RAE1: variants seen among roughly 807,000 people sequenced by gnomAD.
The protein encoded by RAE1 is mRNA export factor RAE1.
A neutral mutation model predicts 52.7 loss-of-function variants in RAE1; 13 were observed. The ratio of observed to expected loss-of-function variants is 0.25; its 90% CI spans 0.16 to 0.39. The LOEUF (loss-of-function observed/expected upper bound fraction) is 0.39. RAE1 is among the 10% of genes least tolerant of loss of function. RAE1 has a pLI of 1.00. For missense variants in RAE1, 262 were observed against 459.8 expected (o/e 0.57, Z 3.93); for synonymous variants, 164 against 153.1 (o/e 1.07, Z -0.52).
At chr20:57,366,124 TC>T (rs1218725878) in intron 5 of RAE1, among the ~76,000 whole-genome samples, 1 of 152,144 alleles carries the variant, frequency 6.6e-6, no homozygotes, top group African/African-American at 2.4e-5. Flanking sequence ...TGTGGTGGAA[TC>T]CCCTGCTTGT....
intron 4 of RAE1, chr20:57,358,954 G>A (rs751248475): frequency 2.3e-5 from 33 of 1,446,044 alleles, no homozygotes; most frequent in East Asian, 5.4e-5. Context: ...AGGTTTTCTC[G>A]TCTTATTTGT....
rs982388122 is a variant in RAE1 at position 57,351,603 on chromosome 20, A to G, written c.-8+181A>G. The G allele has an allele frequency of 1.0e-5, 10 of 985,454 alleles. No homozygotes were observed. The African/African-American group carries it at 1.4e-4, about 14-fold the overall frequency. 61.0% of individuals were successfully genotyped at this position (985,454 alleles called of 1,614,324 possible). ...CTGGAAATGGCCTTAGGGGTCACCTAGGGCCTAATCCATCGTTTCTCTTGT... is the reference window on the plus strand; with the variant it reads ...CTGGAAATGGCCTTAGGGGTCACCTGGGGCCTAATCCATCGTTTCTCTTGT... On this transcript the variant is annotated intron_variant, in intron 1 of 11. Coordinates refer to ENST00000395841, the MANE Select transcript of RAE1 (RefSeq NM_003610.4).
Position 57,373,649 on chromosome 20 carries a change from C to G in RAE1, c.750-14C>G, listed in dbSNP as rs963459917. 2.5e-6 allele frequency: 4 copies of G among 1,613,796 alleles called. No homozygotes were observed. The African/African-American group carries it at 5.3e-5, about 22-fold the overall frequency. ...TTTAACAAAGGAAGACTTACATGAA[C>G]CTTTGTCTTTCAGCGCCAAAGATAA... On this transcript the variant is annotated splice_polypyrimidine_tract_variant and intron_variant, in intron 9 of 11. Coordinates refer to ENST00000395841, the MANE Select transcript of RAE1 (RefSeq NM_003610.4).
intron 11 of RAE1, among the ~76,000 whole-genome samples, chr20:57,375,598 C>T (rs2067102437): frequency 6.6e-6 from 1 of 152,194 alleles, no homozygotes; most frequent in Non-Finnish European, 1.5e-5. Context: ...CTCCTCCCCT[C>T]TGTCTAAGCA....
At chr20:57,360,609 A>G (rs1299453096) in intron 4 of RAE1, among the ~76,000 whole-genome samples, 2 of 152,196 alleles carry the variant, frequency 1.3e-5, no homozygotes, top group South Asian at 2.1e-4. Flanking sequence ...TGTCTTAGCT[A>G]CTGTGTCTTC....
Position 57,365,436 on chromosome 20 carries a change from C to G in RAE1, c.369C>G (p.Ile123Met), listed in dbSNP as rs772373086. ...WDLSSNQAIQIAQHDAPVKTI... is the reference protein window; with the variant it reads ...WDLSSNQAIQMAQHDAPVKTI... ...TCAGCAGTAACCAAGCGATACAGAT[C>G]GCACAGGTAACAGAAGCCTCTGCAG... The change falls in exon 5 of 12, where the codon ATC becomes ATG. Residue 123 changes from isoleucine (I) to methionine (M), a missense_variant. Coordinates refer to ENST00000395841, the MANE Select transcript of RAE1 (RefSeq NM_003610.4). 5.0e-6 allele frequency: 8 copies of G among 1,601,604 alleles called. No homozygotes were observed. The highest frequency in any genetic ancestry group is 6.8e-6 in the Non-Finnish European group (8 of 1,172,212).
rs2066704051 is a variant in RAE1, at chr20:57,351,262, CGGTAGTCA to C, written c.-165_-158del. The C allele has an allele frequency of 8.1e-6, 8 of 985,302 alleles. No individual in the cohort carries two copies. Among genetic ancestry groups the C allele is most frequent in the Non-Finnish European group, 9.6e-6 (8 of 829,938 alleles). The allele number at this position is 985,302 out of a possible 1,614,324, so 61.0% of individuals were successfully genotyped here. On this transcript the variant is annotated 5_prime_UTR_variant, in exon 1 of 12. Coordinates refer to ENST00000395841, the MANE Select transcript of RAE1 (RefSeq NM_003610.4). The stretch of plus-strand genomic sequence containing the variant: ...CCAGGGCGCACGCGCGTTGTTTCCG[CGGTAGTCA>C]GGGCAGTTTCTACCGCAGGCTTAAG...
At chr20:57,368,960 T>G in intron 8 of RAE1, 148 bp downstream of exon 8, 1 of 653,462 alleles carries the variant, frequency 1.5e-6, no homozygotes, top group African/African-American at 1.8e-5. Context: ...AAATACTTAG[T>G]GAGTGAATAT....
Position 57,374,698 on chromosome 20 carries a change from C to T in RAE1, c.917C>T (p.Thr306Ile), listed in dbSNP as rs1319628086. 1.9e-6 allele frequency: 3 copies of T among 1,614,206 alleles called. No homozygotes were observed. The African/African-American group carries it at 4.0e-5, about 22-fold the overall frequency. The change falls in exon 11 of 12, where the codon ACA becomes ATA. Residue 306 changes from threonine to isoleucine, a missense_variant. Physicochemically the swap from Thr to Ile is moderately conservative, Grantham distance 89. Transcript: ENST00000395841. ...AGCTTCTGGGACAAAGATGCCAGAA[C>T]AAAACTAAAAACTTCGGAACAGTTA... is the stretch of plus-strand genomic sequence containing the variant. ...RFSFWDKDARTKLKTSEQLDQ... is the reference protein window; with the variant it reads ...RFSFWDKDARIKLKTSEQLDQ...
rs73914831 is a variant in RAE1, at chr20:57,351,826, C to A, written c.-8+404C>A. 3.9e-3 allele frequency: 3,852 copies of A among 985,424 alleles called. 107 individuals carry two copies. The African/African-American group carries it at 0.063, about 16-fold the overall frequency. 61.0% of individuals were successfully genotyped at this position (985,424 alleles called of 1,614,324 possible). On this transcript the variant is annotated intron_variant, in intron 1 of 11. Transcript: ENST00000395841. The stretch of plus-strand genomic sequence containing the variant: ...TGCTCCATTTCTTTCGTAGCAGTTA[C>A]CAGTCTCTGAAACTAAGTCTGTTTC...
chr20:57,361,455 G>A (rs1394054161), intron 4 of RAE1, among the ~76,000 whole-genome samples: 1 of 152,266 alleles, frequency 6.6e-6, no homozygotes, highest in Admixed American at 6.5e-5. Context: ...TTTGGGGTTT[G>A]GCAAAGGTAT....
intron 1 of RAE1, 48 bp from the exon 2 acceptor site, chr20:57,353,984 G>A: frequency 6.7e-7 from 1 of 1,490,670 alleles, no homozygotes; most frequent in South Asian, 1.2e-5. Context: ...TTGCCTCTCA[G>A]TGATATTAAG....
At chr20:57,354,353 C>T (rs951973740) in intron 2 of RAE1, among the ~76,000 whole-genome samples, 6 of 152,204 alleles carry the variant, frequency 3.9e-5, no homozygotes, top group Non-Finnish European at 7.4e-5. Flanking sequence ...GTGCAGATTC[C>T]GGTGCAGATT....
chr20:57,356,432 T>C lies in RAE1; in HGVS notation c.196-14T>C. 1 of 1,602,160 alleles carries C rather than the reference T, an allele frequency of 6.2e-7. No homozygotes were observed. Among genetic ancestry groups the C allele is most frequent in the Non-Finnish European group, 8.5e-7 (1 of 1,171,324 alleles). ...TAATTGCTTTGTTTGCATTGAATTT[T>C]TTTGTTACTACAGGTTCGCTGCTGG... is the stretch of plus-strand genomic sequence containing the variant. On this transcript the variant is annotated splice_polypyrimidine_tract_variant and intron_variant, in intron 3 of 11. Coordinates refer to ENST00000395841, the MANE Select transcript of RAE1 (RefSeq NM_003610.4).
chr20:57,369,334 AGGT>A (rs1204937320), intron 8 of RAE1, among the ~76,000 whole-genome samples: 1 of 152,116 alleles, frequency 6.6e-6, no homozygotes, highest in African/African-American at 2.4e-5. Flanking sequence ...TGTGTAGCAA[AGGT>A]GGTCTTGTTA....
rs2066965304 is a variant in RAE1, at chr20:57,367,085, G to A, written c.534+6G>A. ...GGTGTTACTGTGCTGACGTGGTAAG[G>A]GATTTCAACTTAATATGTATTTACT... On this transcript the variant is annotated splice_donor_region_variant and intron_variant, in intron 7 of 11. Transcript: ENST00000395841. 1.3e-6 allele frequency: 2 copies of A among 1,557,440 alleles called. No individual in the cohort carries two copies. The highest frequency in any genetic ancestry group is 2.8e-5 in the African/African-American group (2 of 72,412).
chr20:57,363,576 G>A (rs1041013985), intron 4 of RAE1, among the ~76,000 whole-genome samples: 3 of 152,102 alleles, frequency 2.0e-5, no homozygotes, highest in Non-Finnish European at 4.4e-5. Flanking sequence ...GACTGAGGTG[G>A]GAAGAATCCT....
chr20:57,375,017 C>T (rs1391189085), intron 11 of RAE1: 2 of 713,884 alleles, frequency 2.8e-6, no homozygotes, highest in African/African-American at 1.7e-5. Flanking sequence ...ACAGGAAGTG[C>T]TCGGCCAGTG....
intron 4 of RAE1, among the ~76,000 whole-genome samples, chr20:57,356,874 A>T (rs2066796143): frequency 6.6e-6 from 1 of 152,150 alleles, no homozygotes; most frequent in South Asian, 2.1e-4. Context: ...GCAGCTGTAG[A>T]GGGGCTTCCA....
Sources: allele counts gnomAD v4.1 joint callset (sites outside exome capture counted in the v4.1 genomes callset), GRCh38; gene constraint gnomAD v4.1.1; transcripts MANE v1.5; gene names NCBI Gene and HGNC (gene_info 2026-07-23, HGNC 2026-07-21).